The following TENM2 variants were observed in gnomAD, a reference collection of about 807,000 sequenced individuals.
TENM2 encodes teneurin transmembrane protein 2.
Under a neutral mutation model 245.2 loss-of-function variants are expected in TENM2, and 52 were observed. That is an observed-to-expected ratio of 0.21 (90% CI 0.17 to 0.27). The LOEUF (loss-of-function observed/expected upper bound fraction) is 0.27. Among genes scored for constraint, TENM2 ranks in the 10% least tolerant of loss-of-function variants. TENM2 has a pLI of 1.00. For missense variants in TENM2, 3,046 were observed against 3,666.8 expected (o/e 0.83, Z 4.37); for synonymous variants, 1,363 against 1,438.9 (o/e 0.95, Z 1.19).
In TENM2 at chr5:167,616,555, A is replaced by T. The variant is rs556227404; in HGVS notation, c.502+241082A>T. Among the ~76,000 whole-genome samples the T allele has an allele frequency of 7.2e-5, 11 of 152,228 alleles. No individual in the cohort carries two copies. The East Asian group carries it at 2.1e-3, about 29-fold the overall frequency. On this transcript the variant is annotated intron_variant, in intron 2 of 28. Coordinates refer to ENST00000518659, the Ensembl canonical transcript of TENM2. ...CAAAATAGCAAATGCCTTACTTGTA[A>T]TTATGAGCATGTATGCATTCATTTA...
At chr5:168,202,652 G>A (rs1762026338) in intron 17 of TENM2, among the ~76,000 whole-genome samples, 1 of 151,714 alleles carries the variant, frequency 6.6e-6, no homozygotes, top group Non-Finnish European at 1.5e-5. Context: ...TGCTGCTGGG[G>A]CTGGTCATTT....
At chr5:167,913,698 G>A (rs962165099) in intron 3 of TENM2, among the ~76,000 whole-genome samples, 3 of 152,128 alleles carry the variant, frequency 2.0e-5, no homozygotes, top group Non-Finnish European at 4.4e-5. Context: ...GTTATATCTC[G>A]TTCTCCAGCT....
At chr5:166,979,296 C>A in the TENM2 span, among the ~76,000 whole-genome samples, 4 of 151,524 alleles carry the variant, frequency 2.6e-5, no homozygotes, top group Non-Finnish European at 5.9e-5. Flanking sequence ...AAGCGAGCAC[C>A]GTTTGGGGAG....
At chr5:167,173,823 A>G in the TENM2 span, among the ~76,000 whole-genome samples, 1 of 151,974 alleles carries the variant, frequency 6.6e-6, no homozygotes, top group African/African-American at 2.4e-5. Flanking sequence ...AAAATATAGA[A>G]GTAATATCGC....
chr5:167,087,898 T>C, the TENM2 span, among the ~76,000 whole-genome samples: 1 of 151,936 alleles, frequency 6.6e-6, no homozygotes, highest in Non-Finnish European at 1.5e-5. Flanking sequence ...CCAGCAATTC[T>C]CCTGCCTCAG....
chr5:167,524,520 G>A (rs1397114376), intron 2 of TENM2, among the ~76,000 whole-genome samples: 2 of 152,038 alleles, frequency 1.3e-5, no homozygotes, highest in Non-Finnish European at 2.9e-5. Context: ...TGTAATGTGT[G>A]TACCATTCAC....
At chr5:167,562,956 T>TC (rs1707696214) in intron 2 of TENM2, among the ~76,000 whole-genome samples, 2 of 111,818 alleles carry the variant, frequency 1.8e-5, no homozygotes, top group African/African-American at 8.0e-5. Context: ...AAATTCTGTC[T>TC]CAAAAAAAAA....
intron 4 of TENM2, among the ~76,000 whole-genome samples, chr5:167,989,486 G>C (rs776012941): frequency 1.1e-4 from 16 of 152,140 alleles, no homozygotes; most frequent in Non-Finnish European, 2.2e-4. Context: ...GCTGAAGCGT[G>C]AGTGCATAGG....
At chr5:167,572,042 C>T (rs1303761605) in intron 2 of TENM2, among the ~76,000 whole-genome samples, 1 of 152,206 alleles carries the variant, frequency 6.6e-6, no homozygotes, top group Non-Finnish European at 1.5e-5. Context: ...TTCTGTTCAG[C>T]CCCTGTGTGT....
chr5:167,024,979 G>T, the TENM2 span, among the ~76,000 whole-genome samples: 3 of 152,000 alleles, frequency 2.0e-5, no homozygotes, highest in Admixed American at 6.6e-5. Flanking sequence ...TTAAAAATAC[G>T]AGTGCTCAAG....
chr5:167,265,171 CA>C, the TENM2 span, among the ~76,000 whole-genome samples: 215 of 138,846 alleles, frequency 1.5e-3, 2 homozygotes, highest in Middle Eastern at 3.7e-3. Context: ...ACTAAAAATA[CA>C]AAAAAAAAAA....
chr5:167,294,738 C>T (rs928181051), intron 1 of TENM2, among the ~76,000 whole-genome samples: 8 of 152,168 alleles, frequency 5.3e-5, no homozygotes, highest in Non-Finnish European at 1.2e-4. Flanking sequence ...AGTCTATTCA[C>T]ATTTCAGTTT....
rs770979431 is a variant in TENM2 at position 167,306,642 on chromosome 5, A to G, written c.226+21579A>G. 8 of 152,256 alleles carry G rather than the reference A, an allele frequency of 5.3e-5. No individual in the cohort carries two copies. The South Asian group carries it at 6.2e-4, about 12-fold the overall frequency. The allele number at this position is 152,256 out of a possible 1,614,324, so 9.4% of individuals were successfully genotyped here. On this transcript the variant is annotated intron_variant, in intron 1 of 28. Coordinates refer to ENST00000518659, the Ensembl canonical transcript of TENM2. Reference sequence around the variant, plus strand: ...CCAAGTGATAAGAAAACAAAACAAAACAGTGGATAAGGGCTCATCATTAAA... The same window carrying G: ...CCAAGTGATAAGAAAACAAAACAAAGCAGTGGATAAGGGCTCATCATTAAA...
the TENM2 span, among the ~76,000 whole-genome samples, chr5:167,046,606 G>GTC: frequency 6.6e-6 from 1 of 152,168 alleles, no homozygotes; most frequent in Non-Finnish European, 1.5e-5. Context: ...CAGTGTGAGT[G>GTC]TCTCCACTTA....
intron 1 of TENM2, among the ~76,000 whole-genome samples, chr5:167,319,347 T>G (rs1159982605): frequency 6.6e-6 from 1 of 152,204 alleles, no homozygotes; most frequent in Non-Finnish European, 1.5e-5. Flanking sequence ...TACTACTTTC[T>G]TTTGGTTAGT....
intron 2 of TENM2, 89 bp downstream of exon 4, chr5:167,375,562 C>A: frequency 2.2e-6 from 3 of 1,337,142 alleles, no homozygotes; most frequent in Middle Eastern, 2.0e-4. Flanking sequence ...GAAGCGGCGT[C>A]ATAAAACCAT....
At chr5:167,797,643 A>T (rs1583033868) in intron 2 of TENM2, among the ~76,000 whole-genome samples, 1 of 152,146 alleles carries the variant, frequency 6.6e-6, no homozygotes, top group East Asian at 1.9e-4. Flanking sequence ...ACAAAAAAAT[A>T]TGTTCCTTTC....
chr5:167,737,402 CA>C (rs1203947163), intron 2 of TENM2, among the ~76,000 whole-genome samples: 1 of 152,196 alleles, frequency 6.6e-6, no homozygotes, highest in Admixed American at 6.5e-5. Flanking sequence ...CCTGGGAGTC[CA>C]AAATCTGTCT....
In TENM2 at chr5:167,783,405, C is replaced by T. The variant is rs556762605; in HGVS notation, c.503-92581C>T. ...GCAGGGCAGACCCACATGGCACTGGCGGCAGAGCTCACCATTGGGAACCAG... is the reference window on the plus strand; with the variant it reads ...GCAGGGCAGACCCACATGGCACTGGTGGCAGAGCTCACCATTGGGAACCAG... On this transcript the variant is annotated intron_variant, in intron 2 of 28. Transcript: ENST00000518659. Among the ~76,000 whole-genome samples, 15 of 152,066 alleles carry T rather than the reference C, an allele frequency of 9.9e-5. No individual in the cohort carries two copies. The East Asian group carries it at 1.6e-3, about 16-fold the overall frequency.
Sources: allele counts gnomAD v4.1 joint callset (sites outside exome capture counted in the v4.1 genomes callset), GRCh38; gene constraint gnomAD v4.1.1; transcripts MANE v1.5; gene names NCBI Gene and HGNC (gene_info 2026-07-23, HGNC 2026-07-21).